ZNF724: variants seen among roughly 807,000 people sequenced by gnomAD.
ZNF724 encodes the protein zinc finger protein 724 pseudogene.
A neutral mutation model predicts 29.3 loss-of-function variants in ZNF724; 14 were observed. The ratio of observed to expected loss-of-function variants is 0.48; its 90% CI spans 0.32 to 0.75. The LOEUF is 0.75. Ranked by LOEUF, ZNF724 falls within the 30% of genes least tolerant of loss-of-function variation. The pLI, the probability that ZNF724 is intolerant of heterozygous loss-of-function variation, is 0.04. For missense variants in ZNF724, 557 were observed against 571.2 expected (o/e 0.98, Z 0.25); for synonymous variants, 180 against 193.6 (o/e 0.93, Z 0.58).
intron 1 of ZNF724, among the ~76,000 whole-genome samples, chr19:23,245,007 T>C (rs1175407171): frequency 1.2e-4 from 19 of 152,180 alleles, no homozygotes; most frequent in Admixed American, 1.2e-3. Flanking sequence ...AGCACGTAGG[T>C]AATCCTGGTA....
At position 23,232,382 on chromosome 19, in the gene ZNF724, T is replaced by C. The variant is rs368440184; in HGVS notation, c.4-89A>G. 1.0e-3 allele frequency: 711 copies of C among 713,054 alleles called. 5 individuals are homozygous for C. In the African/African-American group the frequency reaches 0.012, roughly 12 times the overall value. The allele number at this position is 713,054 out of a possible 1,614,324, so 44.2% of individuals were successfully genotyped here. A position where few individuals can be genotyped will look rare whatever the true frequency, so the allele number is the denominator to read the frequency against. ...GTTGAAATGAAAGACTAAGGAGTAC[T>C]CATTCTGACTTATAAAAGTGAATGA... On this transcript the variant is annotated intron_variant, in intron 1 of 3. Transcript: ENST00000418100.
rs1971765054 is a variant in ZNF724 at position 23,223,556 on chromosome 19, T to G, written c.689A>C (p.Glu230Ala). The G allele has an allele frequency of 1.4e-6, 1 of 728,794 alleles. No homozygotes were observed. The highest frequency in any genetic ancestry group is 1.4e-5 in the South Asian group (1 of 69,342). 45.1% of individuals were successfully genotyped at this position (728,794 alleles called of 1,614,324 possible). The change falls in exon 4 of 4, where the codon GAA (glutamate) becomes GCA (alanine). Residue 230 changes from glutamate to alanine, a missense_variant. Transcript: ENST00000418100. ...GGACTTGTTAAAGGCTATGCCACATTCTTCACATTTGTAGTGTTTTTGTCC... is the reference window on the plus strand; with the variant it reads ...GGACTTGTTAAAGGCTATGCCACATGCTTCACATTTGTAGTGTTTTTGTCC... Reference protein sequence around the residue: ...HTGQKHYKCEECGIAFNKSSH... With the variant: ...HTGQKHYKCEACGIAFNKSSH...
chr19:23,237,630 C>T (rs140776299), intron 1 of ZNF724, among the ~76,000 whole-genome samples: 133 of 149,944 alleles, frequency 8.9e-4, no homozygotes, highest in Non-Finnish European at 1.5e-3. Flanking sequence ...TTAGGTCGGG[C>T]GCAGTGGCTC....
At chr19:23,242,099 A>G (rs1041318318) in intron 1 of ZNF724, among the ~76,000 whole-genome samples, 3 of 152,220 alleles carry the variant, frequency 2.0e-5, no homozygotes, top group Non-Finnish European at 4.4e-5. Context: ...GCCAAAAGCC[A>G]AATCAAAAAC....
intron 3 of ZNF724, among the ~76,000 whole-genome samples, chr19:23,228,649 C>T (rs1472029378): frequency 6.6e-6 from 1 of 152,018 alleles, no homozygotes; most frequent in African/African-American, 2.4e-5. Flanking sequence ...CCTGTAATCC[C>T]AGCACTTTGG....
At chr19:23,250,199 C>T (rs760879275) in intron 1 of ZNF724, 41 bp downstream of exon 1, 4 of 593,686 alleles carry the variant, frequency 6.7e-6, no homozygotes, top group South Asian at 5.5e-5. Flanking sequence ...TTTCAACCAG[C>T]CCCTCCCTCT....
At chr19:23,246,847 G>T (rs771226941) in intron 1 of ZNF724, among the ~76,000 whole-genome samples, 6 of 152,122 alleles carry the variant, frequency 3.9e-5, no homozygotes, top group Non-Finnish European at 8.8e-5. Context: ...AAATGGAAGA[G>T]AAATTTTCCT....
chr19:23,236,616 G>A (rs1055263467), intron 1 of ZNF724: 1 of 152,166 alleles, frequency 6.6e-6, no homozygotes, highest in Admixed American at 6.6e-5. Flanking sequence ...ACTCAGATTA[G>A]ATATAAGATT....
intron 1 of ZNF724, among the ~76,000 whole-genome samples, chr19:23,241,518 C>CCAG (rs1972124177): frequency 1.3e-5 from 2 of 152,148 alleles, no homozygotes; most frequent in Non-Finnish European, 2.9e-5. Context: ...CAAACCAAAT[C>CCAG]CAGCAGCACA....
At chr19:23,248,660 C>A (rs536538574) in intron 1 of ZNF724, among the ~76,000 whole-genome samples, 1 of 151,122 alleles carries the variant, frequency 6.6e-6, no homozygotes, top group South Asian at 2.1e-4. Context: ...CAATTAAGCT[C>A]CAATTACACA....
intron 1 of ZNF724, chr19:23,236,940 C>T (rs993825507): frequency 6.6e-6 from 1 of 152,054 alleles, no homozygotes; most frequent in Non-Finnish European, 1.5e-5. Context: ...GCAATCTCCA[C>T]CTTCCAAGTT....
At chr19:23,237,828 A>G (rs1462221329) in intron 1 of ZNF724, among the ~76,000 whole-genome samples, 1 of 152,198 alleles carries the variant, frequency 6.6e-6, no homozygotes, top group African/African-American at 2.4e-5. Flanking sequence ...GAACCAAAGC[A>G]TAACCAAAGA....
chr19:23,222,118 A>G lies in ZNF724; in HGVS notation c.*267T>C. On this transcript the variant is annotated 3_prime_UTR_variant, in exon 4 of 4. Transcript: ENST00000418100. ...TCCAATAAAGTGTCAGCATTGGTTA[A>G]AAGTTTTGCCACATTCTTCACACTT... is the stretch of plus-strand genomic sequence containing the variant. 2.6e-6 allele frequency: 1 copy of G among 384,530 alleles called. No individual in the cohort carries two copies. The highest frequency in any genetic ancestry group is 4.5e-5 in the South Asian group (1 of 22,320). The allele number at this position is 384,530 out of a possible 1,614,324, so 23.8% of individuals were successfully genotyped here.
chr19:23,222,639 A>G lies in ZNF724; in HGVS notation c.1606T>C (p.Cys536Arg). The G allele has an allele frequency of 2.2e-6, 3 of 1,363,280 alleles. No homozygotes were observed. Among genetic ancestry groups the G allele is most frequent in the Non-Finnish European group, 3.1e-6 (3 of 955,312 alleles). The allele number at this position is 1,363,280 out of a possible 1,614,324, so 84.4% of individuals were successfully genotyped here. Residue 536 changes from cysteine (C) to arginine (R), a missense_variant, in exon 4 of 4, where the codon TGT becomes CGT. Physicochemically the swap from Cys to Arg is radical, Grantham distance 180. This residue lies in a region of ZNF724 where 170 missense variants were observed against 220.7 expected (regional missense o/e 0.77). Transcript: ENST00000418100. Reference sequence around the variant, plus strand: ...TAAAAAGCTTTGCCACATTCTTCACATTTGTAGGGTTTCTCTCCAGCATGA... The same window carrying G: ...TAAAAAGCTTTGCCACATTCTTCACGTTTGTAGGGTTTCTCTCCAGCATGA... ...IIHAGEKPYK[C>R]EECGKAFYQY...
intron 1 of ZNF724, among the ~76,000 whole-genome samples, chr19:23,232,991 T>C (rs1011444720): frequency 1.3e-5 from 2 of 152,092 alleles, no homozygotes; most frequent in Non-Finnish European, 2.9e-5. Flanking sequence ...ATTAACTGTA[T>C]AGTGAAAAAA....
At chr19:23,228,304 G>C (rs1012009530) in intron 3 of ZNF724, among the ~76,000 whole-genome samples, 12 of 149,158 alleles carry the variant, frequency 8.0e-5, no homozygotes, top group African/African-American at 2.7e-4. Flanking sequence ...ACAAAAATTA[G>C]CCAGGCGTGG....
Position 23,222,346 on chromosome 19 carries a change from G to C in ZNF724, c.*39C>G, listed in dbSNP as rs1284367335. On this transcript the variant is annotated 3_prime_UTR_variant, in exon 4 of 4. Transcript: ENST00000418100. ...CCCGCCTTGGCCTCCCAAAGTGCTG[G>C]GATTACAGGTGTGAGCCACCACGCC... 5 of 819,446 alleles carry C rather than the reference G, an allele frequency of 6.1e-6. No individual in the cohort carries two copies. In the Admixed American group the frequency reaches 1.2e-4, roughly 20 times the overall value. The allele number at this position is 819,446 out of a possible 1,614,324, so 50.8% of individuals were successfully genotyped here. A position where few individuals can be genotyped will look rare whatever the true frequency, so the allele number is the denominator to read the frequency against.
chr19:23,233,325 C>G (rs1406371756), intron 1 of ZNF724, among the ~76,000 whole-genome samples: 1 of 152,094 alleles, frequency 6.6e-6, no homozygotes, highest in Admixed American at 6.5e-5. Context: ...CAGGTATCTC[C>G]TGATAATTTT....
In ZNF724 at chr19:23,231,330, G is replaced by A. The variant is rs1239506196; in HGVS notation, c.162C>T (p.Thr54=). The change falls in exon 3 of 4, where the codon ACC becomes ACT. Residue 54 remains threonine (T), a synonymous_variant. Transcript: ENST00000418100. ...GIAVSKPDLI[T]CLEQGKEPWN... Reference sequence around the variant, plus strand: ...AGGGCTCTTTGCCTTGCTCCAGACAGGTGATCAGGTCTGGCTTAGAGACAG... The same window carrying A: ...AGGGCTCTTTGCCTTGCTCCAGACAAGTGATCAGGTCTGGCTTAGAGACAG... 1 of 1,386,978 alleles carries A rather than the reference G, an allele frequency of 7.2e-7. No homozygotes were observed. The highest frequency in any genetic ancestry group is 1.0e-6 in the Non-Finnish European group (1 of 975,714). 85.9% of individuals were successfully genotyped at this position (1,386,978 alleles called of 1,614,324 possible). A position where few individuals can be genotyped will look rare whatever the true frequency, so the allele number is the denominator to read the frequency against.
Sources: gnomAD v4.1 joint callset for allele counts (sites outside exome capture counted in the v4.1 genomes callset) on GRCh38, gnomAD v4.1.1 for gene constraint, gnomAD v4.1.1 regional missense constraint, MANE v1.5 for transcripts, NCBI Gene and HGNC (gene_info 2026-07-23, HGNC 2026-07-21) for gene names.